Variants in NAA60 observed in about 807,000 individuals in gnomAD.
The protein encoded by NAA60 is N-alpha-acetyltransferase 60, NatF catalytic subunit.
NAA60 carries 8 observed loss-of-function variants against 26.1 expected under a neutral mutation model. The ratio of observed to expected loss-of-function variants is 0.31; its 90% CI spans 0.18 to 0.55. NAA60 has a LOEUF of 0.55. Ranked by LOEUF, NAA60 falls within the 20% of genes least tolerant of loss-of-function variation. NAA60 has a pLI of 0.93. For missense variants in NAA60, 290 were observed against 311.3 expected (o/e 0.93, Z 0.51); for synonymous variants, 131 against 122.5 (o/e 1.07, Z -0.46).
At chr16:3,448,068 A>G (rs1355349526) in intron 1 of NAA60, among the ~76,000 whole-genome samples, 1 of 152,106 alleles carries the variant, frequency 6.6e-6, no homozygotes, top group Admixed American at 6.6e-5. Flanking sequence ...GAGGGTAGTA[A>G]GAGGTACAGA....
intron 2 of NAA60, among the ~76,000 whole-genome samples, chr16:3,449,200 C>G (rs1596281922): frequency 6.6e-6 from 1 of 152,068 alleles, no homozygotes; most frequent in African/African-American, 2.4e-5. Flanking sequence ...TGTTGAAACC[C>G]CATCTCTACT....
intron 2 of NAA60, among the ~76,000 whole-genome samples, chr16:3,474,622 G>A (rs961001823): frequency 6.6e-6 from 1 of 152,256 alleles, no homozygotes; most frequent in African/African-American, 2.4e-5. Flanking sequence ...CGCCCTGCCA[G>A]TGGAGTGGGG....
Position 3,476,357 on chromosome 16 carries a change from G to C in NAA60, c.110+20G>C. ...CATCGAGTAAGTGGAGCGGATTGCAGGGTTGGGGAGAGCCCGTGAGCCTCA... is the reference window on the plus strand; with the variant it reads ...CATCGAGTAAGTGGAGCGGATTGCACGGTTGGGGAGAGCCCGTGAGCCTCA... On this transcript the variant is annotated intron_variant, in intron 3 of 7. Transcript: ENST00000407558. The C allele has an allele frequency of 3.7e-6, 6 of 1,603,376 alleles. No individual in the cohort carries two copies. The highest frequency in any genetic ancestry group is 5.1e-6 in the Non-Finnish European group (6 of 1,171,486).
intron 2 of NAA60, chr16:3,450,008 A>G (rs1480001803): frequency 5.1e-6 from 2 of 395,006 alleles, no homozygotes; most frequent in Non-Finnish European, 8.9e-6. Context: ...CAGCAGTGTG[A>G]AAACAGACTA....
chr16:3,461,613 AC>A (rs986964915), intron 2 of NAA60, among the ~76,000 whole-genome samples: 1 of 152,060 alleles, frequency 6.6e-6, no homozygotes, highest in Non-Finnish European at 1.5e-5. Context: ...GGACTCTTAA[AC>A]CCCCATACAC....
intron 2 of NAA60, among the ~76,000 whole-genome samples, chr16:3,464,965 A>G (rs542589605): frequency 6.6e-6 from 1 of 151,986 alleles, no homozygotes; most frequent in Admixed American, 6.6e-5. Context: ...TTTCACCCCA[A>G]TTTTCTATTT....
intron 1 of NAA60, 92 bp downstream of exon 1, chr16:3,443,929 G>T: frequency 6.9e-7 from 1 of 1,444,724 alleles, no homozygotes; most frequent in Non-Finnish European, 9.1e-7. Flanking sequence ...CCTAGCCTGG[G>T]CTTGAGCTGT....
At chr16:3,483,938 A>C in intron 6 of NAA60, 3 of 317,404 alleles carry the variant, frequency 9.5e-6, no homozygotes, top group East Asian at 8.6e-5. Context: ...AGTGCACAAA[A>C]CGGACAGGAT....
intron 2 of NAA60, among the ~76,000 whole-genome samples, chr16:3,473,071 C>T (rs762294727): frequency 2.0e-5 from 3 of 152,004 alleles, no homozygotes; most frequent in Non-Finnish European, 4.4e-5. Context: ...AATCTCACCA[C>T]GTCACCCAGG....
Position 3,476,388 on chromosome 16 carries a change from A to G in NAA60, c.110+51A>G, listed in dbSNP as rs1441151996. On this transcript the variant is annotated intron_variant, in intron 3 of 7. Transcript: ENST00000407558. ...GGGAGAGCCCGTGAGCCTCAGGTGC[A>G]GAAGCTGGGCGGCGGGGGTGGGGGC... 2.7e-6 allele frequency: 4 copies of G among 1,507,910 alleles called. No individual in the cohort carries two copies. In the Admixed American group the frequency reaches 5.3e-5, roughly 20 times the overall value. The allele number at this position is 1,507,910 out of a possible 1,614,324, so 93.4% of individuals were successfully genotyped here.
At chr16:3,476,373 G>A (rs756092772) in intron 3 of NAA60, 36 bp downstream of exon 3, 42 of 1,570,308 alleles carry the variant, frequency 2.7e-5, no homozygotes, top group Admixed American at 3.4e-5. Context: ...GGGAGAGCCC[G>A]TGAGCCTCAG....
chr16:3,485,727 G>C lies in NAA60; in HGVS notation c.*467G>C, dbSNP rs1039863914. ...AAAGGCACAGGAGCCTCGGAACAAG[G>C]GGGCGCAATAAAGGGAATGGCCCGT... On this transcript the variant is annotated 3_prime_UTR_variant, in exon 8 of 8. Coordinates refer to ENST00000407558, the MANE Select transcript of NAA60 (RefSeq NM_001083601.3). 4.4e-6 allele frequency: 2 copies of C among 455,772 alleles called. No individual in the cohort carries two copies. Among genetic ancestry groups the C allele is most frequent in the Non-Finnish European group, 8.8e-6 (2 of 226,572 alleles). The allele number at this position is 455,772 out of a possible 1,614,324, so 28.2% of individuals were successfully genotyped here.
At chr16:3,449,378 C>T (rs567287503) in intron 2 of NAA60, among the ~76,000 whole-genome samples, 86 of 152,134 alleles carry the variant, frequency 5.7e-4, no homozygotes, top group Non-Finnish European at 1.1e-3. Flanking sequence ...ATTAGCTGGG[C>T]GTGGTGGTGG....
intron 3 of NAA60, among the ~76,000 whole-genome samples, chr16:3,478,080 A>G (rs939990725): frequency 7.0e-6 from 1 of 143,168 alleles, no homozygotes; most frequent in Admixed American, 7.1e-5. Context: ...TAATAATAAT[A>G]ATAATAATAA....
chr16:3,483,343 C>G lies in NAA60; in HGVS notation c.338-20C>G, dbSNP rs1306571099. 2 of 1,566,740 alleles carry G rather than the reference C, an allele frequency of 1.3e-6. No homozygotes were observed. The highest frequency in any genetic ancestry group is 2.7e-5 in the African/African-American group (2 of 73,836). ...TTCCTAACTGCTCTGCCTGCATTAC[C>G]TTTACCTCTTCTCCCCAAGGTTCCC... On this transcript the variant is annotated intron_variant, in intron 5 of 7. Coordinates refer to ENST00000407558, the MANE Select transcript of NAA60 (RefSeq NM_001083601.3).
At chr16:3,458,590 C>T (rs1211396102) in intron 2 of NAA60, among the ~76,000 whole-genome samples, 2 of 152,178 alleles carry the variant, frequency 1.3e-5, no homozygotes, top group Non-Finnish European at 2.9e-5. Flanking sequence ...GCGATTTCCG[C>T]CTTCGCCCCG....
chr16:3,484,505 T>C, intron 6 of NAA60, 194 bp from the exon 7 acceptor site: 2 of 672,834 alleles, frequency 3.0e-6, no homozygotes, highest in Non-Finnish European at 5.0e-6. Context: ...CCCCACCCTC[T>C]GTTGTTTTGC....
At chr16:3,449,979 G>A (rs893226847) in intron 2 of NAA60, 1 of 398,486 alleles carries the variant, frequency 2.5e-6, no homozygotes. Flanking sequence ...AAATTGCGCA[G>A]TCTCAGGTAT....
intron 1 of NAA60, 192 bp downstream of exon 1, chr16:3,444,029 TTGCTGGACTC>T: frequency 8.9e-7 from 1 of 1,120,138 alleles, no homozygotes; most frequent in Non-Finnish European, 1.2e-6. Flanking sequence ...GTAGGCCAGG[TTGCTGGACTC>T]TGACTCAAAG....
Sources: gnomAD v4.1 joint callset for allele counts (sites outside exome capture counted in the v4.1 genomes callset) on GRCh38, gnomAD v4.1.1 for gene constraint, MANE v1.5 for transcripts, NCBI Gene and HGNC (gene_info 2026-07-23, HGNC 2026-07-21) for gene names.